DSTYK: variants seen among roughly 807,000 people sequenced by gnomAD.
DSTYK encodes the protein RIP-homologous kinase.
In DSTYK, 34 loss-of-function variants were observed where a neutral mutation model predicts 98.7. The observed-to-expected ratio is 0.34, with a 90% CI of 0.26 to 0.46. The LOEUF is 0.46. Among genes scored for constraint, DSTYK ranks in the 20% least tolerant of loss-of-function variants. The pLI is 1.00. For missense variants in DSTYK, 962 were observed against 1,181.7 expected (o/e 0.81, Z 2.73); for synonymous variants, 462 against 457.3 (o/e 1.01, Z -0.13).
At chr1:205,162,316 G>T in intron 5 of DSTYK, 104 bp from the exon 6 acceptor site, 1 of 1,362,750 alleles carries the variant, frequency 7.3e-7, no homozygotes, top group Non-Finnish European at 1.0e-6. Context: ...TTAAGAGCAG[G>T]CTCATAAGAT....
chr1:205,157,186 A>T, intron 10 of DSTYK, 87 bp downstream of exon 10: 1 of 1,121,146 alleles, frequency 8.9e-7, no homozygotes, highest in Non-Finnish European at 1.3e-6. Context: ...GACTTTTCTT[A>T]GGATCTAACT....
At chr1:205,195,413 C>T (rs1010315934) in intron 1 of DSTYK, among the ~76,000 whole-genome samples, 10 of 152,198 alleles carry the variant, frequency 6.6e-5, no homozygotes, top group Admixed American at 3.3e-4. Flanking sequence ...ATTCCAGGGA[C>T]TGAGACAGAA....
rs1313828141 is a variant in DSTYK, at chr1:205,200,492, A to G, written c.265+10779T>C. Among the ~76,000 whole-genome samples the G allele has an allele frequency of 2.0e-5, 3 of 152,154 alleles. No individual in the cohort carries two copies. In the East Asian group the frequency reaches 5.8e-4, roughly 29 times the overall value. On this transcript the variant is annotated intron_variant, in intron 1 of 12. Transcript: ENST00000367162. ...TCCGGCCTCAACTCCTATCCTTATC[A>G]ATGCCATTTAATCTTACAATTTTCC... is the stretch of plus-strand genomic sequence containing the variant.
At chr1:205,155,216 T>TA (rs1211372972) in intron 10 of DSTYK, among the ~76,000 whole-genome samples, 1 of 151,200 alleles carries the variant, frequency 6.6e-6, no homozygotes, top group Non-Finnish European at 1.5e-5. Context: ...ACTCCTGACT[T>TA]TAGGTGATCC....
intron 8 of DSTYK, 126 bp downstream of exon 8, chr1:205,159,988 T>C (rs1308238433): frequency 2.6e-6 from 3 of 1,145,638 alleles, no homozygotes; most frequent in African/African-American, 3.1e-5. Flanking sequence ...AGGGAGCACA[T>C]GTCTGTTAGA....
intron 3 of DSTYK, among the ~76,000 whole-genome samples, chr1:205,164,273 A>G (rs911134815): frequency 6.6e-6 from 1 of 152,104 alleles, no homozygotes; most frequent in South Asian, 2.1e-4. Context: ...GGTAACAGTG[A>G]GACCTCATCT....
chr1:205,175,105 T>C lies in DSTYK; in HGVS notation c.655-5273A>G, dbSNP rs1459392642. On this transcript the variant is annotated intron_variant, in intron 2 of 12. Coordinates refer to ENST00000367162, the MANE Select transcript of DSTYK (RefSeq NM_015375.3). ...TGGCACCCACAAAGAAGCTGCCCTT[T>C]TTTTTTTTTTTTCTGAGACAGAGTC... 5.4e-5 allele frequency among the ~76,000 whole-genome samples: 8 copies of C among 149,320 alleles called. No homozygotes were observed. In the East Asian group the frequency reaches 1.6e-3, roughly 30 times the overall value.
At chr1:205,158,372 G>A (rs1321541560) in intron 9 of DSTYK, among the ~76,000 whole-genome samples, 2 of 152,074 alleles carry the variant, frequency 1.3e-5, no homozygotes, top group African/African-American at 4.8e-5. Context: ...CGGAGACTCT[G>A]AGGTCAGCTT....
chr1:205,207,115 G>T (rs1160692193), intron 1 of DSTYK, among the ~76,000 whole-genome samples: 1 of 145,906 alleles, frequency 6.9e-6, no homozygotes, highest in Non-Finnish European at 1.5e-5. Flanking sequence ...GTCTTGCTGC[G>T]ACACCCAGGC....
At position 205,211,623 on chromosome 1, in the gene DSTYK, G is replaced by A. The variant is rs1659391322; in HGVS notation, c.-88C>T. Reference sequence around the variant, plus strand: ...CCGCCCCCCAGTGCCGAAGGGAGGAGGAATCCGCCTCCTGACGCCCCCGCC... The same window carrying A: ...CCGCCCCCCAGTGCCGAAGGGAGGAAGAATCCGCCTCCTGACGCCCCCGCC... On this transcript the variant is annotated 5_prime_UTR_variant, in exon 1 of 13. Coordinates refer to ENST00000367162, the MANE Select transcript of DSTYK (RefSeq NM_015375.3). 4 of 1,393,250 alleles carry A rather than the reference G, an allele frequency of 2.9e-6. No homozygotes were observed. The highest frequency in any genetic ancestry group is 3.2e-5 in the South Asian group (2 of 63,452). 86.3% of individuals were successfully genotyped at this position (1,393,250 alleles called of 1,614,324 possible).
chr1:205,189,616 C>T (rs980162622), intron 1 of DSTYK, among the ~76,000 whole-genome samples: 6 of 152,180 alleles, frequency 3.9e-5, no homozygotes, highest in Admixed American at 1.3e-4. Context: ...GGTTCTACTT[C>T]AGAGTGAACC....
In DSTYK at chr1:205,163,791, G is replaced by T. The variant is rs757391925; in HGVS notation, c.1489C>A (p.Arg497=). The T allele has an allele frequency of 6.2e-6, 10 of 1,613,988 alleles. No individual in the cohort carries two copies. Among genetic ancestry groups the T allele is most frequent in the Non-Finnish European group, 8.5e-6 (10 of 1,180,036 alleles). Residue 497 remains arginine, a synonymous_variant, in exon 4 of 13, where the codon CGA becomes AGA. Coordinates refer to ENST00000367162, the MANE Select transcript of DSTYK (RefSeq NM_015375.3). ...GACTTCTCCAGGCTCTGCAGACATC[G>T]TTCCAGGGTTCCGACGAAGCTTTCC... ...LRESFVGTLE[R]CLQSLEKSQD...
intron 1 of DSTYK, among the ~76,000 whole-genome samples, chr1:205,198,133 C>A (rs564761441): frequency 6.6e-6 from 1 of 151,864 alleles, no homozygotes; most frequent in Non-Finnish European, 1.5e-5. Context: ...GTGGAGGCTG[C>A]GGTGAGCCAA....
chr1:205,166,780 T>C (rs1389306911), intron 3 of DSTYK, among the ~76,000 whole-genome samples: 2 of 152,212 alleles, frequency 1.3e-5, no homozygotes, highest in Admixed American at 1.3e-4. Context: ...AGAATGACTA[T>C]AAGAAATCAG....
rs11801164 is a variant in DSTYK at position 205,150,642 on chromosome 1, C to T, written c.2467+38G>A. 2.4e-3 allele frequency: 3,553 copies of T among 1,502,454 alleles called. 69 individuals are homozygous for T. The African/African-American group carries it at 0.04, about 17-fold the overall frequency. The allele number at this position is 1,502,454 out of a possible 1,614,324, so 93.1% of individuals were successfully genotyped here. A position where few individuals can be genotyped will look rare whatever the true frequency, so the allele number is the denominator to read the frequency against. The stretch of plus-strand genomic sequence containing the variant: ...GGTAGCACTCAGGATTAAAGTAGTA[C>T]GCCCTGCCCAGACCCACTGCCTGCC... On this transcript the variant is annotated intron_variant, in intron 11 of 12. Coordinates refer to ENST00000367162, the MANE Select transcript of DSTYK (RefSeq NM_015375.3). The surrounding 1 kb of genome is among the most constrained non-coding windows in gnomAD (Gnocchi z 4.1).
intron 10 of DSTYK, among the ~76,000 whole-genome samples, chr1:205,152,020 CTTA>C (rs1054191446): frequency 1.6e-4 from 24 of 152,122 alleles, no homozygotes; most frequent in African/African-American, 3.9e-4. Context: ...AACAGAGCTG[CTTA>C]TTATCAAATA....
Position 205,145,064 on chromosome 1 carries a change from G to C in DSTYK, c.*2494C>G, listed in dbSNP as rs986795907. 2.6e-5 allele frequency: 4 copies of C among 152,188 alleles called. No individual in the cohort carries two copies. The highest frequency in any genetic ancestry group is 9.7e-5 in the African/African-American group (4 of 41,442). The allele number at this position is 152,188 out of a possible 1,614,324, so 9.4% of individuals were successfully genotyped here. A position where few individuals can be genotyped will look rare whatever the true frequency, so the allele number is the denominator to read the frequency against. ...ATTTCATACACAACAGACTTACAATGATTTTCCAGCAAGTAGAGAGTACTT... is the reference window on the plus strand; with the variant it reads ...ATTTCATACACAACAGACTTACAATCATTTTCCAGCAAGTAGAGAGTACTT... On this transcript the variant is annotated 3_prime_UTR_variant, in exon 13 of 13. Coordinates refer to ENST00000367162, the MANE Select transcript of DSTYK (RefSeq NM_015375.3).
intron 4 of DSTYK, 107 bp downstream of exon 4, chr1:205,163,616 C>G (rs929271185): frequency 2.2e-6 from 2 of 913,502 alleles, no homozygotes; most frequent in South Asian, 1.6e-5. Flanking sequence ...AAACAAGATT[C>G]GCAAGAAGCT....
At chr1:205,159,937 G>A (rs1295416505) in intron 8 of DSTYK, 177 bp downstream of exon 8, 13 of 841,872 alleles carry the variant, frequency 1.5e-5, no homozygotes, top group Non-Finnish European at 2.3e-5. Flanking sequence ...GAGAAATTAG[G>A]ATGGTGGGGA....
Sources: gnomAD v4.1 joint callset for allele counts (sites outside exome capture counted in the v4.1 genomes callset) on GRCh38, gnomAD v4.1.1 for gene constraint, Gnocchi (gnomAD v3.1) non-coding constraint, MANE v1.5 for transcripts, NCBI Gene and HGNC (gene_info 2026-07-23, HGNC 2026-07-21) for gene names.